Variants in PARD3 observed in about 807,000 individuals in gnomAD.
The protein encoded by PARD3 is partitioning defective 3 homolog.
PARD3 carries 75 observed loss-of-function variants against 155.4 expected under a neutral mutation model. The observed-to-expected ratio is 0.48, with a 90% CI of 0.40 to 0.58. The LOEUF (loss-of-function observed/expected upper bound fraction) is 0.58, where lower values mean the gene tolerates loss of function less well. Ranked by LOEUF, PARD3 falls within the 20% of genes least tolerant of loss-of-function variation. The pLI is 0.00. For missense variants in PARD3, 1,642 were observed against 1,721.7 expected, an observed-to-expected ratio of 0.95 and a Z score of 0.82; for synonymous variants, 576 against 610.5, an observed-to-expected ratio of 0.94 and a Z score of 0.83.
chr10:34,539,108 C>T (rs190220212), intron 2 of PARD3, among the ~76,000 whole-genome samples: 17 of 152,272 alleles, frequency 1.1e-4, no homozygotes, highest in Middle Eastern at 3.4e-3. Flanking sequence ...AGGGTCCTGC[C>T]TCAGACATCA....
chr10:34,641,508 T>C (rs2092677857), intron 2 of PARD3, among the ~76,000 whole-genome samples: 1 of 152,170 alleles, frequency 6.6e-6, no homozygotes, highest in African/African-American at 2.4e-5. Context: ...GAAGATTACA[T>C]ACTAGTAAAA....
Position 34,368,363 on chromosome 10 carries a change from G to A in PARD3, c.1707+4135C>T, listed in dbSNP as rs182459757. ...TCAGTAGGATTAGAAGTTGGCGTCC[G>A]TATGGACAGGCAAAGAAGGTGAGAG... On this transcript the variant is annotated intron_variant, in intron 12 of 24. Coordinates refer to ENST00000374788, the MANE Select transcript of PARD3 (RefSeq NM_001184785.2). Among the ~76,000 whole-genome samples the A allele has an allele frequency of 2.6e-3, 398 of 152,208 alleles. 7 individuals are homozygous for A. Among genetic ancestry groups the A allele is most frequent in the Admixed American group, 0.024 (372 of 15,284 alleles).
chr10:34,361,312 G>A lies in PARD3; in HGVS notation c.1708-1053C>T, dbSNP rs149239012. Among the ~76,000 whole-genome samples the A allele has an allele frequency of 3.9e-3, 587 of 152,202 alleles. 2 individuals are homozygous for A. The highest frequency in any genetic ancestry group is 0.013 in the African/African-American group (543 of 41,520). ...CCTATTTCTCCTCCTCTTTTCCCACGTTTGAAATATTTCTCCAGCATCTGT... is the reference window on the plus strand; with the variant it reads ...CCTATTTCTCCTCCTCTTTTCCCACATTTGAAATATTTCTCCAGCATCTGT... On this transcript the variant is annotated intron_variant, in intron 12 of 24. Coordinates refer to ENST00000374788, the MANE Select transcript of PARD3 (RefSeq NM_001184785.2).
chr10:34,190,903 A>G (rs1950677340), intron 22 of PARD3, among the ~76,000 whole-genome samples: 1 of 152,092 alleles, frequency 6.6e-6, no homozygotes, highest in African/African-American at 2.4e-5. Context: ...GCAGCATGGC[A>G]TCTCGCGGGT....
chr10:34,756,150 C>CATTT (rs755572719), intron 1 of PARD3, among the ~76,000 whole-genome samples: 1 of 94,544 alleles, frequency 1.1e-5, no homozygotes, highest in African/African-American at 4.2e-5. Context: ...AAAAATGCAC[C>CATTT]TTTTTTTTTT....
intron 1 of PARD3, among the ~76,000 whole-genome samples, chr10:34,736,681 TA>T: frequency 6.6e-6 from 1 of 150,942 alleles, no homozygotes; most frequent in African/African-American, 2.5e-5. Context: ...TTTATTTATT[TA>T]TTTATTTACT....
At chr10:34,418,010 A>T (rs1845834494) in intron 5 of PARD3, among the ~76,000 whole-genome samples, 1 of 152,194 alleles carries the variant, frequency 6.6e-6, no homozygotes, top group Admixed American at 6.5e-5. Context: ...TTTCAGAGCT[A>T]TTCATTTTCA....
chr10:34,726,605 T>C (rs2094717671), intron 1 of PARD3, among the ~76,000 whole-genome samples: 1 of 151,454 alleles, frequency 6.6e-6, no homozygotes, highest in Non-Finnish European at 1.5e-5. Context: ...CACAAACACA[T>C]ACACAATTAG....
intron 2 of PARD3, among the ~76,000 whole-genome samples, chr10:34,587,895 A>C (rs2088250500): frequency 6.6e-6 from 1 of 152,160 alleles, no homozygotes; most frequent in Admixed American, 6.5e-5. Flanking sequence ...CCGTGGGTGG[A>C]ATCACCCGTA....
chr10:34,458,090 T>C (rs945951197), intron 4 of PARD3, among the ~76,000 whole-genome samples: 2 of 152,232 alleles, frequency 1.3e-5, no homozygotes, highest in Admixed American at 1.3e-4. Flanking sequence ...TTCATAGAGA[T>C]GGTTGGTTCA....
intron 2 of PARD3, among the ~76,000 whole-genome samples, chr10:34,666,780 A>C (rs1469562622): frequency 3.5e-4 from 29 of 82,446 alleles, no homozygotes; most frequent in Admixed American, 5.9e-4. Context: ...CTCCCCCTAA[A>C]AAAAAAAAAA....
At chr10:34,530,524 T>A (rs1382298490) in intron 2 of PARD3, among the ~76,000 whole-genome samples, 1 of 152,180 alleles carries the variant, frequency 6.6e-6, no homozygotes, top group African/African-American at 2.4e-5. Context: ...CTCCTGAATT[T>A]CTCTGAGACT....
chr10:34,502,560 T>TAGAC (rs2080787585), intron 3 of PARD3, among the ~76,000 whole-genome samples: 1 of 152,158 alleles, frequency 6.6e-6, no homozygotes, highest in Non-Finnish European at 1.5e-5. Flanking sequence ...CTAGTACTAA[T>TAGAC]TGTGTGTGTA....
intron 23 of PARD3, among the ~76,000 whole-genome samples, chr10:34,125,537 C>A (rs1947241579): frequency 6.6e-6 from 1 of 152,168 alleles, no homozygotes; most frequent in South Asian, 2.1e-4. Context: ...GAAAGGAAAA[C>A]CACCATTTTC....
At chr10:34,268,751 G>C (rs1955464795) in intron 22 of PARD3, among the ~76,000 whole-genome samples, 1 of 152,066 alleles carries the variant, frequency 6.6e-6, no homozygotes. Flanking sequence ...ACACAGGAAG[G>C]GGAACATCAC....
At chr10:34,339,701 A>G (rs919636082) in intron 16 of PARD3, among the ~76,000 whole-genome samples, 1 of 152,216 alleles carries the variant, frequency 6.6e-6, no homozygotes, top group Non-Finnish European at 1.5e-5. Context: ...GGCCTTCGAC[A>G]ACTGTGCAGT....
intron 22 of PARD3, among the ~76,000 whole-genome samples, chr10:34,218,299 G>T (rs1952106930): frequency 6.6e-6 from 1 of 152,240 alleles, no homozygotes. Flanking sequence ...ACCACACTTG[G>T]TGCTCTGTCA....
chr10:34,592,017 C>T (rs1299415317), intron 2 of PARD3, among the ~76,000 whole-genome samples: 3 of 152,184 alleles, frequency 2.0e-5, no homozygotes, highest in Non-Finnish European at 4.4e-5. Flanking sequence ...CAGTAAACGC[C>T]ACCATTCCAA....
At chr10:34,729,247 T>C (rs193214952) in intron 1 of PARD3, among the ~76,000 whole-genome samples, 24 of 152,288 alleles carry the variant, frequency 1.6e-4, no homozygotes, top group Admixed American at 5.2e-4. Context: ...TATGATGCTA[T>C]TGGCCAGGCG....
Sources: gnomAD v4.1 joint callset for allele counts (sites outside exome capture counted in the v4.1 genomes callset) on GRCh38, gnomAD v4.1.1 for gene constraint, MANE v1.5 for transcripts, NCBI Gene and HGNC (gene_info 2026-07-23, HGNC 2026-07-21) for gene names.